The following GRIN2B variants were observed in gnomAD, a reference collection of about 807,000 sequenced individuals.
The protein encoded by GRIN2B is glutamate receptor ionotropic, NMDA 2B.
Under a neutral mutation model 114.5 loss-of-function variants are expected in GRIN2B, and 5 were observed. The observed-to-expected ratio is 0.04, with a 90% CI of 0.02 to 0.09. GRIN2B has a LOEUF of 0.09. Among genes scored for constraint, GRIN2B ranks in the 10% least tolerant of loss-of-function variants. The probability of loss-of-function intolerance (pLI) is 1.00; values close to 1 mark genes in which losing one functional copy is unlikely to be tolerated. For synonymous variants in GRIN2B, 787 were observed against 745.1 expected (o/e 1.06, Z -0.92); for missense variants, 1,108 against 1,943.5 (o/e 0.57, Z 8.08).
At chr12:13,582,707 C>T (rs915325466) in intron 10 of GRIN2B, among the ~76,000 whole-genome samples, 2 of 151,030 alleles carry the variant, frequency 1.3e-5, no homozygotes, top group Admixed American at 6.6e-5. Context: ...CTGAACTCAA[C>T]GTGGAGCTGG....
intron 4 of GRIN2B, among the ~76,000 whole-genome samples, chr12:13,707,259 C>G (rs1423224432): frequency 6.6e-6 from 1 of 152,086 alleles, no homozygotes; most frequent in East Asian, 1.9e-4. Context: ...ACACCAGCAT[C>G]AGGTTGCATC....
intron 3 of GRIN2B, among the ~76,000 whole-genome samples, chr12:13,808,693 T>C (rs1414906724): frequency 2.0e-5 from 3 of 149,388 alleles, no homozygotes; most frequent in Non-Finnish European, 4.4e-5. Flanking sequence ...TTTATACATA[T>C]GTAACAAACC....
intron 5 of GRIN2B, among the ~76,000 whole-genome samples, chr12:13,659,205 G>T (rs1949896692): frequency 6.6e-6 from 1 of 152,150 alleles, no homozygotes; most frequent in South Asian, 2.1e-4. Flanking sequence ...CCATGAAACT[G>T]CTTCCCCGTC....
rs114751098 is a variant in GRIN2B, at chr12:13,973,098, T to C, written c.-19+6830A>G. Among the ~76,000 whole-genome samples, 1,386 of 152,334 alleles carry C rather than the reference T, an allele frequency of 9.1e-3. 11 individuals carry two copies. Among genetic ancestry groups the C allele is most frequent in the African/African-American group, 0.032 (1,328 of 41,572 alleles). On this transcript the variant is annotated intron_variant, in intron 2 of 13. Transcript: ENST00000609686. ...GAACAATTAGCTATGGGAAAAAGAA[T>C]GAGCGTCCTCACCTGAGCTTCAGGC...
At chr12:13,804,378 T>G (rs908049391) in intron 3 of GRIN2B, among the ~76,000 whole-genome samples, 3 of 152,156 alleles carry the variant, frequency 2.0e-5, no homozygotes, top group African/African-American at 7.2e-5. Flanking sequence ...TATAGTCTTA[T>G]GCCTTTTAGG....
intron 2 of GRIN2B, among the ~76,000 whole-genome samples, chr12:13,963,770 T>C (rs921062473): frequency 3.9e-5 from 6 of 152,314 alleles, no homozygotes; most frequent in African/African-American, 1.4e-4. Context: ...TCTTTACTTC[T>C]AGATGTTGAA....
intron 10 of GRIN2B, among the ~76,000 whole-genome samples, chr12:13,574,494 A>G (rs1238833893): frequency 6.6e-6 from 1 of 152,214 alleles, no homozygotes; most frequent in Non-Finnish European, 1.5e-5. Context: ...GAAAATTGCA[A>G]TCATGTCCAA....
intron 4 of GRIN2B, among the ~76,000 whole-genome samples, chr12:13,741,187 G>A (rs1244514517): frequency 6.6e-6 from 1 of 151,958 alleles, no homozygotes; most frequent in Admixed American, 6.6e-5. Flanking sequence ...CCGCCACCAC[G>A]CCCGGCTAAT....
chr12:13,793,763 C>CA (rs1864359448), intron 3 of GRIN2B, among the ~76,000 whole-genome samples: 1 of 152,094 alleles, frequency 6.6e-6, no homozygotes. Flanking sequence ...TGGTGTGTTC[C>CA]AGGGGGATTC....
chr12:13,634,922 C>T (rs1241721940), intron 5 of GRIN2B, among the ~76,000 whole-genome samples: 1 of 152,084 alleles, frequency 6.6e-6, no homozygotes, highest in Admixed American at 6.5e-5. Flanking sequence ...TAGCCCATTC[C>T]AAGGATGAGC....
chr12:13,827,444 C>A (rs1865064531), intron 3 of GRIN2B, among the ~76,000 whole-genome samples: 1 of 151,826 alleles, frequency 6.6e-6, no homozygotes, highest in Non-Finnish European at 1.5e-5. Flanking sequence ...TCCTATGAGT[C>A]TCTAAAACAG....
chr12:13,609,641 C>T (rs913617357), intron 9 of GRIN2B, among the ~76,000 whole-genome samples: 6 of 152,038 alleles, frequency 3.9e-5, no homozygotes, highest in Non-Finnish European at 7.4e-5. Context: ...GGCGTGGTGG[C>T]GGGCGCCTGT....
At chr12:13,754,578 AT>A (rs1018770938) in intron 3 of GRIN2B, among the ~76,000 whole-genome samples, 34 of 95,300 alleles carry the variant, frequency 3.6e-4, no homozygotes, top group African/African-American at 1.4e-3. Flanking sequence ...TATGTGTTCT[AT>A]AAACATATAA....
chr12:13,932,468 G>A lies in GRIN2B; in HGVS notation c.-19+47460C>T, dbSNP rs7131939. Among the ~76,000 whole-genome samples the A allele has an allele frequency of 6.9e-3, 1,048 of 152,230 alleles. 16 individuals carry two copies. The highest frequency in any genetic ancestry group is 0.024 in the African/African-American group (1,008 of 41,526). ...TCTTCTTCATCACTACATTCCCAGTGGCTACAGCAATGCCTACCACTTAAT... is the reference window on the plus strand; with the variant it reads ...TCTTCTTCATCACTACATTCCCAGTAGCTACAGCAATGCCTACCACTTAAT... On this transcript the variant is annotated intron_variant, in intron 2 of 13. Coordinates refer to ENST00000609686, the MANE Select transcript of GRIN2B (RefSeq NM_000834.5).
At chr12:13,710,768 G>A (rs2136580124) in intron 4 of GRIN2B, among the ~76,000 whole-genome samples, 1 of 152,272 alleles carries the variant, frequency 6.6e-6, no homozygotes, top group South Asian at 2.1e-4. Context: ...TCATGGGTAG[G>A]AAGAATCAAT....
At chr12:13,946,121 C>G (rs1341315772) in intron 2 of GRIN2B, among the ~76,000 whole-genome samples, 1 of 152,094 alleles carries the variant, frequency 6.6e-6, no homozygotes, top group South Asian at 2.1e-4. Flanking sequence ...TATGTAAATT[C>G]TGTGTGTGGA....
At chr12:13,818,518 A>G (rs1023760859) in intron 3 of GRIN2B, among the ~76,000 whole-genome samples, 18 of 152,250 alleles carry the variant, frequency 1.2e-4, no homozygotes, top group Admixed American at 1.0e-3. Context: ...CAGAAAGTAT[A>G]TATTTCTCAT....
intron 2 of GRIN2B, among the ~76,000 whole-genome samples, chr12:13,943,966 C>T (rs558584213): frequency 3.8e-4 from 58 of 152,262 alleles, no homozygotes; most frequent in African/African-American, 4.6e-4. Flanking sequence ...ACATAGTAGA[C>T]GCTCAATAAG....
chr12:13,573,434 C>T (rs1456721455), intron 10 of GRIN2B, among the ~76,000 whole-genome samples: 5 of 149,284 alleles, frequency 3.3e-5, no homozygotes, highest in Non-Finnish European at 7.5e-5. Flanking sequence ...CTGGGCTACA[C>T]AGAGAGACTC....
Sources: gnomAD v4.1 joint callset for allele counts (sites outside exome capture counted in the v4.1 genomes callset) on GRCh38, gnomAD v4.1.1 for gene constraint, MANE v1.5 for transcripts, NCBI Gene and HGNC (gene_info 2026-07-23, HGNC 2026-07-21) for gene names.